The following ANKRD44 variants were observed in gnomAD, a reference collection of about 807,000 sequenced individuals.
The protein encoded by ANKRD44 is ankyrin repeat domain 44, also known as serine/threonine-protein phosphatase 6 regulatory ankyrin repeat subunit B.
ANKRD44 carries 35 observed loss-of-function variants against 116.0 expected under a neutral mutation model. The observed-to-expected ratio is 0.30, with a 90% CI of 0.23 to 0.40. ANKRD44 has a LOEUF of 0.40. Among genes scored for constraint, ANKRD44 ranks in the 10% least tolerant of loss-of-function variants. The pLI, the probability that ANKRD44 is intolerant of heterozygous loss-of-function variation, is 1.00. For synonymous variants in ANKRD44, 435 were observed against 461.8 expected, an observed-to-expected ratio of 0.94 and a Z score of 0.74; for missense variants, 1,014 against 1,242.6, an observed-to-expected ratio of 0.82 and a Z score of 2.77.
chr2:196,979,370 G>A (rs13020841), intron 21 of ANKRD44, among the ~76,000 whole-genome samples: 80,562 of 130,676 alleles, frequency 0.62, 26,783 homozygotes, highest in East Asian at 0.82. Flanking sequence ...GCGACAGAGC[G>A]AGACTCCGTC....
intron 1 of ANKRD44, among the ~76,000 whole-genome samples, chr2:197,221,221 AG>A (rs2081577938): frequency 6.6e-6 from 1 of 151,196 alleles, no homozygotes; most frequent in African/African-American, 2.4e-5. Context: ...ACTGCACTCC[AG>A]CCTGGGTGAC....
At chr2:197,264,575 C>T (rs1298407056) in intron 1 of ANKRD44, among the ~76,000 whole-genome samples, 1 of 152,150 alleles carries the variant, frequency 6.6e-6, no homozygotes, top group African/African-American at 2.4e-5. Flanking sequence ...TAGTTCATAA[C>T]ATGGGGTGGA....
At chr2:197,214,360 AAAAACAGT>A (rs1345603634) in intron 1 of ANKRD44, among the ~76,000 whole-genome samples, 1 of 152,236 alleles carries the variant, frequency 6.6e-6, no homozygotes, top group African/African-American at 2.4e-5. Flanking sequence ...ACAATTTAAA[AAAAACAGT>A]AAACAAAACT....
At chr2:196,997,354 TTAA>T (rs1225977958) in intron 25 of ANKRD44, among the ~76,000 whole-genome samples, 4 of 151,520 alleles carry the variant, frequency 2.6e-5, no homozygotes, top group African/African-American at 7.3e-5. Flanking sequence ...TTAAAAGATA[TTAA>T]TATTATACGA....
At chr2:197,135,261 G>A (rs1424245558) in intron 4 of ANKRD44, 1 of 152,172 alleles carries the variant, frequency 6.6e-6, no homozygotes, top group Non-Finnish European at 1.5e-5. Context: ...TTGCTCCTAG[G>A]TGTACCTGGA....
chr2:197,220,661 A>G (rs1035125585), intron 1 of ANKRD44, among the ~76,000 whole-genome samples: 8 of 152,208 alleles, frequency 5.3e-5, no homozygotes, highest in African/African-American at 1.9e-4. Flanking sequence ...ATGGGTTATA[A>G]GCACACTCTC....
intron 1 of ANKRD44, among the ~76,000 whole-genome samples, chr2:197,302,866 G>C (rs2083953043): frequency 6.6e-6 from 1 of 152,208 alleles, no homozygotes; most frequent in African/African-American, 2.4e-5. Flanking sequence ...TGTTATTTGG[G>C]TTCAATAAAA....
intron 21 of ANKRD44, among the ~76,000 whole-genome samples, chr2:197,003,172 G>A (rs1002906321): frequency 2.0e-5 from 3 of 151,660 alleles, no homozygotes; most frequent in Non-Finnish European, 4.4e-5. Context: ...AAAAAGATGT[G>A]TGGTGGTGCC....
intron 21 of ANKRD44, among the ~76,000 whole-genome samples, chr2:196,974,328 C>T (rs1364725611): frequency 6.6e-6 from 1 of 152,092 alleles, no homozygotes; most frequent in Admixed American, 6.5e-5. Flanking sequence ...AGTGATCTGC[C>T]TGCCTCAGCC....
intron 1 of ANKRD44, among the ~76,000 whole-genome samples, chr2:197,220,531 G>C (rs1290401051): frequency 1.3e-5 from 2 of 152,196 alleles, no homozygotes; most frequent in African/African-American, 4.8e-5. Context: ...TTGGTCATTT[G>C]CTTGGTAGCC....
In ANKRD44 at chr2:197,000,469, C is replaced by A. The variant is rs752773537; in HGVS notation, c.2469G>T (p.Leu823=). Residue 823 remains leucine, a synonymous_variant, in exon 23 of 28, where the codon CTG becomes CTT. Coordinates refer to ENST00000282272, the MANE Select transcript of ANKRD44 (RefSeq NM_001195144.2). ...INDHGNCASL[L]LGAIDSSIVS... The stretch of plus-strand genomic sequence containing the variant: ...CGATACTGGAATCTATGGCCCCAAG[C>A]AGCAATGATGCACAATTCCCATGAT... 1 of 1,614,090 alleles carries A rather than the reference C, an allele frequency of 6.2e-7. No homozygotes were observed. Among genetic ancestry groups the A allele is most frequent in the South Asian group, 1.1e-5 (1 of 91,080 alleles).
At chr2:197,177,604 G>T (rs1170501455) in intron 2 of ANKRD44, among the ~76,000 whole-genome samples, 1 of 152,030 alleles carries the variant, frequency 6.6e-6, no homozygotes, top group Non-Finnish European at 1.5e-5. Context: ...TTGTGTGTGT[G>T]TGTGTATATA....
At chr2:197,076,717 C>T (rs2077674648) in intron 16 of ANKRD44, among the ~76,000 whole-genome samples, 1 of 152,140 alleles carries the variant, frequency 6.6e-6, no homozygotes, top group African/African-American at 2.4e-5. Flanking sequence ...CATGTGTTCT[C>T]ATCATTTAGC....
At chr2:197,109,980 A>AT (rs2078526363) in intron 9 of ANKRD44, among the ~76,000 whole-genome samples, 1 of 84,478 alleles carries the variant, frequency 1.2e-5, no homozygotes, top group East Asian at 2.1e-3. Flanking sequence ...CAAGCCTGTG[A>AT]ATTTTTTTTT....
intron 21 of ANKRD44, among the ~76,000 whole-genome samples, 191 bp from the exon 22 acceptor site, chr2:197,002,031 A>C (rs552528381): frequency 6.6e-6 from 1 of 152,322 alleles, no homozygotes; most frequent in East Asian, 1.9e-4. Context: ...TCTGAGACTT[A>C]ATGAACAAAT....
rs1280056456 is a variant in ANKRD44 at position 197,162,099 on chromosome 2, G to A, written c.112-14994C>T. On this transcript the variant is annotated intron_variant, in intron 2 of 27. Transcript: ENST00000282272. ...TCCCCAGAAGACCCCATTACTATTC[G>A]TGATCCATCTGGCTAAATGCCTTAG... Among the ~76,000 whole-genome samples, 4 of 152,244 alleles carry A rather than the reference G, an allele frequency of 2.6e-5. No homozygotes were observed. In the East Asian group the frequency reaches 5.8e-4, roughly 22 times the overall value.
intron 1 of ANKRD44, among the ~76,000 whole-genome samples, chr2:197,243,347 C>T (rs1379908524): frequency 6.6e-6 from 1 of 151,324 alleles, no homozygotes; most frequent in Non-Finnish European, 1.5e-5. Context: ...ACCTAAGAAA[C>T]AAGGAATCCA....
At chr2:197,229,562 T>C (rs1036554900) in intron 1 of ANKRD44, among the ~76,000 whole-genome samples, 8 of 152,230 alleles carry the variant, frequency 5.3e-5, no homozygotes, top group Non-Finnish European at 1.0e-4. Context: ...GTAAGTAAAA[T>C]ATATGAAAAC....
At chr2:197,092,572 G>A (rs910740967) in intron 10 of ANKRD44, among the ~76,000 whole-genome samples, 1 of 152,082 alleles carries the variant, frequency 6.6e-6, no homozygotes, top group East Asian at 1.9e-4. Context: ...TCTTCCCTCT[G>A]TTTGTTTTCC....
Sources: allele counts gnomAD v4.1 joint callset (sites outside exome capture counted in the v4.1 genomes callset), GRCh38; gene constraint gnomAD v4.1.1; transcripts MANE v1.5; gene names NCBI Gene and HGNC (gene_info 2026-07-23, HGNC 2026-07-21).